EYS: variants seen among roughly 807,000 people sequenced by gnomAD.
EYS encodes the protein protein eyes shut homolog.
EYS carries 250 observed loss-of-function variants against 282.1 expected under a neutral mutation model. That is an observed-to-expected ratio of 0.89 (90% CI 0.80 to 0.98). The LOEUF (loss-of-function observed/expected upper bound fraction) is 0.98. EYS is among the 50% of genes least tolerant of loss of function. The pLI, the probability that EYS is intolerant of heterozygous loss-of-function variation, is 0.00. For missense variants in EYS, 4,016 were observed against 3,709.0 expected (o/e 1.08, Z -2.15); for synonymous variants, 1,355 against 1,282.9 (o/e 1.06, Z -1.20).
chr6:64,433,237 T>G (rs1774630306), intron 28 of EYS, among the ~76,000 whole-genome samples: 1 of 152,024 alleles, frequency 6.6e-6, no homozygotes, highest in African/African-American at 2.4e-5. Context: ...TATATTCATA[T>G]TCAAGAAGAA....
At chr6:64,182,552 A>G (rs1327360097) in intron 31 of EYS, among the ~76,000 whole-genome samples, 1 of 151,886 alleles carries the variant, frequency 6.6e-6, no homozygotes, top group Non-Finnish European at 1.5e-5. Flanking sequence ...ATATAAACAT[A>G]TCGTTATTTT....
chr6:65,495,775 G>T, intron 3 of EYS, 84 bp downstream of exon 3: 2 of 315,824 alleles, frequency 6.3e-6, no homozygotes, highest in Non-Finnish European at 1.2e-5. Flanking sequence ...ACATGATCAA[G>T]ATATGTTGAT....
intron 33 of EYS, among the ~76,000 whole-genome samples, chr6:64,034,668 G>A (rs1210493204): frequency 6.6e-6 from 1 of 152,130 alleles, no homozygotes; most frequent in Non-Finnish European, 1.5e-5. Flanking sequence ...TCCCATGTGC[G>A]ACCAAGTTTG....
rs1387786572 is a variant in EYS, at chr6:63,726,132, G to A, written c.8233+387C>T. Among the ~76,000 whole-genome samples, 7 of 152,138 alleles carry A rather than the reference G, an allele frequency of 4.6e-5. No homozygotes were observed. In the East Asian group the frequency reaches 1.3e-3, roughly 29 times the overall value. Reference sequence around the variant, plus strand: ...TGTTTGGATGACAGAACAACTTAAAGAGAATTTTTGGAGCTATAAATGTGG... The same window carrying A: ...TGTTTGGATGACAGAACAACTTAAAAAGAATTTTTGGAGCTATAAATGTGG... On this transcript the variant is annotated intron_variant, in intron 42 of 42. Transcript: ENST00000503581.
intron 30 of EYS, among the ~76,000 whole-genome samples, chr6:64,300,385 T>C (rs959089138): frequency 9.2e-5 from 14 of 152,172 alleles, no homozygotes; most frequent in Non-Finnish European, 4.4e-5. Flanking sequence ...GTGTTTCTTG[T>C]ATACAAGCGA....
intron 31 of EYS, among the ~76,000 whole-genome samples, chr6:64,162,836 T>G (rs1274892745): frequency 1.3e-5 from 2 of 152,166 alleles, no homozygotes; most frequent in East Asian, 3.8e-4. Context: ...TAATATGAAT[T>G]GTTTGTATTA....
At chr6:65,254,954 G>C (rs939311595) in intron 12 of EYS, among the ~76,000 whole-genome samples, 2 of 151,696 alleles carry the variant, frequency 1.3e-5, no homozygotes, top group Non-Finnish European at 2.9e-5. Flanking sequence ...ACTTGAATTA[G>C]TTCAAGCAAA....
At chr6:64,144,585 C>T (rs113170840) in intron 31 of EYS, among the ~76,000 whole-genome samples, 8 of 152,222 alleles carry the variant, frequency 5.3e-5, no homozygotes, top group African/African-American at 1.2e-4. Context: ...TTGTTTTCCA[C>T]GTTCTCCTAC....
intron 12 of EYS, among the ~76,000 whole-genome samples, chr6:65,143,486 C>T (rs1262438789): frequency 2.6e-5 from 4 of 151,770 alleles, no homozygotes; most frequent in South Asian, 2.1e-4. Context: ...TAAAATTATT[C>T]GATTTAGATA....
intron 11 of EYS, among the ~76,000 whole-genome samples, chr6:65,300,091 G>C (rs1355208123): frequency 6.6e-6 from 1 of 151,974 alleles, no homozygotes; most frequent in South Asian, 2.1e-4. Flanking sequence ...TTTTAGTTTT[G>C]TTTACTTATT....
chr6:65,313,406 C>T (rs530542524), intron 11 of EYS, among the ~76,000 whole-genome samples: 1 of 152,044 alleles, frequency 6.6e-6, no homozygotes, highest in Admixed American at 6.6e-5. Context: ...TGACTCAAAA[C>T]TTATTCAACT....
At chr6:64,263,095 C>A (rs1242621886) in intron 30 of EYS, among the ~76,000 whole-genome samples, 3 of 151,950 alleles carry the variant, frequency 2.0e-5, no homozygotes, top group African/African-American at 7.2e-5. Context: ...AACGCTAGTG[C>A]AAATGACATA....
At chr6:64,709,226 C>T (rs1268206348) in intron 22 of EYS, among the ~76,000 whole-genome samples, 1 of 152,116 alleles carries the variant, frequency 6.6e-6, no homozygotes, top group African/African-American at 2.4e-5. Context: ...CTTATACCAT[C>T]TCATTTGAAA....
chr6:63,784,787 C>T (rs67958548), intron 39 of EYS, among the ~76,000 whole-genome samples: 12,387 of 152,142 alleles, frequency 0.081, 570 homozygotes, highest in East Asian at 0.16. Flanking sequence ...ACCATATCAC[C>T]ATGTAAAAAA....
intron 22 of EYS, among the ~76,000 whole-genome samples, chr6:64,798,353 A>C (rs895688919): frequency 6.6e-6 from 1 of 151,928 alleles, no homozygotes; most frequent in Non-Finnish European, 1.5e-5. Context: ...AGCTTAGGAG[A>C]TATCAAAAAA....
chr6:63,901,151 G>A (rs1562086980), intron 35 of EYS, among the ~76,000 whole-genome samples: 4 of 152,172 alleles, frequency 2.6e-5, no homozygotes, highest in Non-Finnish European at 5.9e-5. Flanking sequence ...CAACCACTTA[G>A]TGAATATAAA....
chr6:64,042,673 A>G (rs1199719003), intron 33 of EYS, among the ~76,000 whole-genome samples: 1 of 152,138 alleles, frequency 6.6e-6, no homozygotes. Flanking sequence ...CCTGAGTTCA[A>G]TGTAGTGGCT....
chr6:65,574,293 G>A (rs9360139), intron 2 of EYS, among the ~76,000 whole-genome samples: 26,384 of 151,868 alleles, frequency 0.17, 2,850 homozygotes, highest in Middle Eastern at 0.34. Flanking sequence ...AATCAAATTC[G>A]GTCCAAACAA....
chr6:63,848,441 A>G (rs527710795), intron 36 of EYS, among the ~76,000 whole-genome samples: 2 of 152,098 alleles, frequency 1.3e-5, no homozygotes, highest in East Asian at 3.9e-4. Flanking sequence ...AGCAAGACCA[A>G]CGGAGAAGGC....
Sources: gnomAD v4.1 joint callset for allele counts (sites outside exome capture counted in the v4.1 genomes callset) on GRCh38, gnomAD v4.1.1 for gene constraint, MANE v1.5 for transcripts, NCBI Gene and HGNC (gene_info 2026-07-23, HGNC 2026-07-21) for gene names.